SNX29: variants seen among roughly 807,000 people sequenced by gnomAD.
SNX29 encodes sorting nexin-29.
SNX29 carries 78 observed loss-of-function variants against 102.1 expected under a neutral mutation model. The ratio of observed to expected loss-of-function variants is 0.76; its 90% confidence interval spans 0.64 to 0.92. SNX29 has a LOEUF of 0.92. SNX29 is among the 40% of genes least tolerant of loss of function. The pLI is 0.00. For synonymous variants in SNX29, 580 were observed against 414.5 expected (o/e 1.40, Z -4.85); for missense variants, 1,280 against 1,061.7 (o/e 1.21, Z -2.86).
At chr16:12,495,916 G>A (rs934011263) in intron 19 of SNX29, among the ~76,000 whole-genome samples, 4 of 152,154 alleles carry the variant, frequency 2.6e-5, no homozygotes, top group African/African-American at 7.2e-5. Flanking sequence ...AGACAGATAC[G>A]GTGTCAGGTG....
intron 20 of SNX29, among the ~76,000 whole-genome samples, chr16:12,566,802 G>C (rs1038044637): frequency 1.3e-5 from 2 of 152,226 alleles, no homozygotes; most frequent in African/African-American, 2.4e-5. Flanking sequence ...GTTGGGCTCA[G>C]AGATGATTCA....
intron 15 of SNX29, among the ~76,000 whole-genome samples, chr16:12,341,121 T>C (rs748609217): frequency 4.0e-4 from 61 of 152,096 alleles, no homozygotes; most frequent in Non-Finnish European, 7.9e-4. Flanking sequence ...ACTATTATTA[T>C]TGGAGCCCAA....
chr16:11,981,769 C>T (rs2150960273), intron 1 of SNX29, among the ~76,000 whole-genome samples: 1 of 152,136 alleles, frequency 6.6e-6, no homozygotes, highest in East Asian at 1.9e-4. Context: ...AGGCCAGAAA[C>T]AACTAAGATG....
At chr16:12,541,473 A>G (rs1209994072) in intron 20 of SNX29, among the ~76,000 whole-genome samples, 1 of 152,182 alleles carries the variant, frequency 6.6e-6, no homozygotes, top group East Asian at 1.9e-4. Flanking sequence ...TGATGGAGCC[A>G]GGATCTCAGA....
chr16:12,278,693 A>G (rs1432410716), intron 15 of SNX29, among the ~76,000 whole-genome samples: 1 of 152,244 alleles, frequency 6.6e-6, no homozygotes, highest in Non-Finnish European at 1.5e-5. Context: ...AAATCCTGAC[A>G]AAGATAGCAT....
At chr16:12,184,810 G>A (rs1349922366) in intron 13 of SNX29, among the ~76,000 whole-genome samples, 2 of 152,248 alleles carry the variant, frequency 1.3e-5, no homozygotes, top group African/African-American at 4.8e-5. Context: ...CTCAAGCGTA[G>A]ACTAGCAGCA....
intron 20 of SNX29, among the ~76,000 whole-genome samples, chr16:12,540,896 G>A (rs964119739): frequency 3.9e-5 from 6 of 152,170 alleles, no homozygotes; most frequent in Admixed American, 1.3e-4. Context: ...AGAGCTGGAG[G>A]GCTTCTCTGA....
At chr16:12,391,169 C>A (rs949535119) in intron 16 of SNX29, among the ~76,000 whole-genome samples, 1 of 152,118 alleles carries the variant, frequency 6.6e-6, no homozygotes, top group African/African-American at 2.4e-5. Flanking sequence ...TGGCCTTAGA[C>A]TCCTGGGCCC....
intron 19 of SNX29, among the ~76,000 whole-genome samples, chr16:12,505,911 T>G (rs2089356568): frequency 6.6e-6 from 1 of 152,146 alleles, no homozygotes; most frequent in Non-Finnish European, 1.5e-5. Flanking sequence ...CCTTCTTTAT[T>G]TCTTTTGATC....
chr16:12,465,784 T>G (rs1214880613), intron 18 of SNX29, among the ~76,000 whole-genome samples: 5 of 152,274 alleles, frequency 3.3e-5, no homozygotes, highest in African/African-American at 1.2e-4. Flanking sequence ...ATGGACGTTT[T>G]AACAATATTA....
At chr16:12,338,881 C>G (rs2081530997) in intron 15 of SNX29, among the ~76,000 whole-genome samples, 1 of 152,176 alleles carries the variant, frequency 6.6e-6, no homozygotes, top group Non-Finnish European at 1.5e-5. Context: ...ACATATGGCC[C>G]AAAATCATAA....
chr16:12,046,164 AG>A (rs777284958), intron 5 of SNX29, among the ~76,000 whole-genome samples: 3 of 152,156 alleles, frequency 2.0e-5, no homozygotes, highest in Admixed American at 6.6e-5. Flanking sequence ...TCTAAAGCTG[AG>A]GGTCGGCAGG....
At chr16:12,418,472 G>T (rs1033217985) in intron 18 of SNX29, among the ~76,000 whole-genome samples, 1 of 151,978 alleles carries the variant, frequency 6.6e-6, no homozygotes, top group Admixed American at 6.6e-5. Flanking sequence ...TGGGCATGGT[G>T]TGGTCATTTG....
chr16:12,084,073 C>A lies in SNX29; in HGVS notation c.1402+5158C>A, dbSNP rs189687551. Among the ~76,000 whole-genome samples the A allele has an allele frequency of 3.1e-4, 47 of 152,230 alleles. No individual in the cohort carries two copies. In the East Asian group the frequency reaches 6.6e-3, roughly 21 times the overall value. ...CTGAAGAGAAGATGGTGTATCCAGACCCACATGATTGTTCTCCTACTGCAA... is the reference window on the plus strand; with the variant it reads ...CTGAAGAGAAGATGGTGTATCCAGAACCACATGATTGTTCTCCTACTGCAA... On this transcript the variant is annotated intron_variant, in intron 11 of 20. Transcript: ENST00000566228.
chr16:12,213,923 C>T (rs1449991306), intron 14 of SNX29, among the ~76,000 whole-genome samples: 1 of 152,076 alleles, frequency 6.6e-6, no homozygotes, highest in Non-Finnish European at 1.5e-5. Flanking sequence ...TTCTGGTGGC[C>T]TTGTGGGAGG....
chr16:12,566,982 T>A (rs1172337749), intron 20 of SNX29, among the ~76,000 whole-genome samples: 1 of 152,202 alleles, frequency 6.6e-6, no homozygotes, highest in Non-Finnish European at 1.5e-5. Context: ...ACAGTGGCCA[T>A]GTCCCTGGAA....
At chr16:12,362,466 C>G (rs1356357721) in intron 16 of SNX29, among the ~76,000 whole-genome samples, 5 of 151,218 alleles carry the variant, frequency 3.3e-5, no homozygotes, top group Non-Finnish European at 7.4e-5. Flanking sequence ...CGATGTAGTT[C>G]CAACAACGCG....
At chr16:12,541,961 C>G (rs751164726) in intron 20 of SNX29, among the ~76,000 whole-genome samples, 2 of 152,184 alleles carry the variant, frequency 1.3e-5, no homozygotes, top group African/African-American at 4.8e-5. Flanking sequence ...ACGCTGGATC[C>G]ACTTCAGAGA....
intron 15 of SNX29, among the ~76,000 whole-genome samples, chr16:12,336,417 G>C (rs971174321): frequency 5.3e-5 from 8 of 152,224 alleles, no homozygotes; most frequent in African/African-American, 1.2e-4. Flanking sequence ...TCACCGTGTT[G>C]TTGAGATTGG....
Sources: gnomAD v4.1 joint callset for allele counts (sites outside exome capture counted in the v4.1 genomes callset) on GRCh38, gnomAD v4.1.1 for gene constraint, MANE v1.5 for transcripts, NCBI Gene and HGNC (gene_info 2026-07-23, HGNC 2026-07-21) for gene names.